TDRD7: variants seen among roughly 807,000 people sequenced by gnomAD.
TDRD7 encodes the protein tudor domain containing 7, also known as tudor domain-containing protein 7.
TDRD7 carries 47 observed loss-of-function variants against 109.8 expected under a neutral mutation model. The observed-to-expected ratio is 0.43, with a 90% confidence interval of 0.34 to 0.55. The LOEUF (loss-of-function observed/expected upper bound fraction) is 0.55, where lower values mean the gene tolerates loss of function less well. Among genes scored for constraint, TDRD7 ranks in the 20% least tolerant of loss-of-function variants. The pLI is 0.03. For missense variants in TDRD7, 1,164 were observed against 1,319.2 expected, an observed-to-expected ratio of 0.88 and a Z score of 1.82; for synonymous variants, 424 against 457.3, an observed-to-expected ratio of 0.93 and a Z score of 0.93.
chr9:97,476,751 G>A (rs987690772), intron 12 of TDRD7, among the ~76,000 whole-genome samples: 2 of 151,768 alleles, frequency 1.3e-5, no homozygotes, highest in Admixed American at 6.6e-5. Context: ...TATTTTGGGG[G>A]AAAAGTATGC....
intron 7 of TDRD7, among the ~76,000 whole-genome samples, chr9:97,461,009 C>T (rs923515155): frequency 2.6e-5 from 4 of 151,866 alleles, no homozygotes; most frequent in Admixed American, 6.6e-5. Context: ...GGCGTGGTGG[C>T]GGGTGCCTGT....
intron 16 of TDRD7, among the ~76,000 whole-genome samples, 171 bp from the exon 17 acceptor site, chr9:97,495,492 A>G (rs1396172223): frequency 1.3e-5 from 2 of 152,270 alleles, no homozygotes; most frequent in Non-Finnish European, 1.5e-5. Flanking sequence ...TAGAAAAACT[A>G]TAAGCTGGAG....
chr9:97,469,136 C>T lies in TDRD7; in HGVS notation c.1630-1422C>T, dbSNP rs140458696. Among the ~76,000 whole-genome samples, 40 of 152,324 alleles carry T rather than the reference C, an allele frequency of 2.6e-4. No individual in the cohort carries two copies. In the East Asian group the frequency reaches 7.5e-3, roughly 29 times the overall value. On this transcript the variant is annotated intron_variant, in intron 8 of 16. Coordinates refer to ENST00000355295, the MANE Select transcript of TDRD7 (RefSeq NM_014290.3). Reference sequence around the variant, plus strand: ...CATGCTATGTCCTATTGTCAGACCACGTTACCTCCATTTTGGGCCTGGGAA... The same window carrying T: ...CATGCTATGTCCTATTGTCAGACCATGTTACCTCCATTTTGGGCCTGGGAA...
rs141964341 is a variant in TDRD7 at position 97,435,496 on chromosome 9, C to T, written c.563+3258C>T. On this transcript the variant is annotated intron_variant, in intron 4 of 16. Coordinates refer to ENST00000355295, the MANE Select transcript of TDRD7 (RefSeq NM_014290.3). ...AAAAAAAAAAAAAAAATTACCTGGA[C>T]ATGGTGGTGTGCACCTGTAGTCTCA... Among the ~76,000 whole-genome samples the T allele has an allele frequency of 8.2e-3, 1,227 of 149,482 alleles. 13 individuals are homozygous for T. The highest frequency in any genetic ancestry group is 0.028 in the African/African-American group (1,129 of 40,600).
In TDRD7 at chr9:97,460,581, C is replaced by A; in HGVS notation, c.1259C>A (p.Ala420Glu). The A allele has an allele frequency of 6.2e-7, 1 of 1,614,170 alleles. No individual in the cohort carries two copies. The highest frequency in any genetic ancestry group is 2.2e-5 in the East Asian group (1 of 44,872). Residue 420 changes from alanine (A) to glutamate (E), a missense_variant, in exon 7 of 17, where the codon GCA (alanine) becomes GAA (glutamate). Ala to Glu is a moderately radical substitution (Grantham distance 107). Around this residue, in one of 5 missense-constraint regions of TDRD7, gnomAD observed 407 missense variants for 394.0 expected, o/e 1.03. Coordinates refer to ENST00000355295, the MANE Select transcript of TDRD7 (RefSeq NM_014290.3). ...AAAATCCAAAAGGATGCAGGGCAAG[C>A]ACATGGTGATAATGATATCAAGGCT... ...TDKIQKDAGQAHGDNDIKAMV... is the reference protein window; with the variant it reads ...TDKIQKDAGQEHGDNDIKAMV...
At chr9:97,488,217 T>G (rs1254015309) in intron 16 of TDRD7, among the ~76,000 whole-genome samples, 2 of 152,138 alleles carry the variant, frequency 1.3e-5, no homozygotes, top group African/African-American at 4.8e-5. Flanking sequence ...TTAGCAGAGG[T>G]TTTTGAGGCC....
Position 97,480,956 on chromosome 9 carries a change from G to A in TDRD7, c.2412+18G>A. On this transcript the variant is annotated intron_variant, in intron 14 of 16. Coordinates refer to ENST00000355295, the MANE Select transcript of TDRD7 (RefSeq NM_014290.3). ...GCATTAAGGTTAGCTATCTTGTTGG[G>A]CCTGATACATTTAGAAAGGGAGCTG... The A allele has an allele frequency of 6.2e-7, 1 of 1,603,652 alleles. No homozygotes were observed. The highest frequency in any genetic ancestry group is 8.5e-7 in the Non-Finnish European group (1 of 1,170,582).
At chr9:97,437,108 C>G (rs1017875405) in intron 4 of TDRD7, among the ~76,000 whole-genome samples, 22 of 152,140 alleles carry the variant, frequency 1.4e-4, no homozygotes, top group African/African-American at 5.1e-4. Flanking sequence ...TTATCTATTG[C>G]TGTGTTACAG....
chr9:97,490,909 CTTTTTTTTTTT>C (rs1174656625), intron 16 of TDRD7, among the ~76,000 whole-genome samples: 2 of 77,658 alleles, frequency 2.6e-5, no homozygotes, highest in African/African-American at 5.3e-5. Context: ...CTTTTCTTTT[CTTTTTTTTTTT>C]TTTTTTTTTT....
At chr9:97,495,582 A>T in intron 16 of TDRD7, 81 bp from the exon 17 acceptor site, 2 of 1,367,258 alleles carry the variant, frequency 1.5e-6, no homozygotes, top group South Asian at 1.2e-5. Flanking sequence ...GGAATTGACT[A>T]AATAATTTTC....
In TDRD7 at chr9:97,475,479, AGT is replaced by A. The variant is rs553409065; in HGVS notation, c.2166+11_2166+12del. 1.4e-5 allele frequency: 22 copies of A among 1,593,836 alleles called. No homozygotes were observed. Among genetic ancestry groups the A allele is most frequent in the Non-Finnish European group, 1.6e-5 (19 of 1,162,336 alleles). Reference sequence around the variant, plus strand: ...ATGGTTACGAGTAGAGGTAAAAATCAGTCACTTGGCTTTTTAATCTTAACTTA... The same window carrying A: ...ATGGTTACGAGTAGAGGTAAAAATCACACTTGGCTTTTTAATCTTAACTTA... On this transcript the variant is annotated intron_variant, in intron 12 of 16. Transcript: ENST00000355295.
intron 4 of TDRD7, among the ~76,000 whole-genome samples, chr9:97,435,245 TA>T (rs1334650035): frequency 1.3e-5 from 2 of 152,060 alleles, no homozygotes; most frequent in Non-Finnish European, 2.9e-5. Context: ...ATTTTACTAT[TA>T]GGGGAAACAG....
intron 16 of TDRD7, 40 bp from the exon 17 acceptor site, chr9:97,495,623 G>A (rs1173222067): frequency 3.9e-5 from 61 of 1,574,100 alleles, no homozygotes; most frequent in Non-Finnish European, 5.2e-5. Flanking sequence ...AAGCTCCTTT[G>A]ACTCCTCACT....
chr9:97,491,249 G>T (rs189559580), intron 16 of TDRD7, among the ~76,000 whole-genome samples: 365 of 152,156 alleles, frequency 2.4e-3, no homozygotes, highest in African/African-American at 8.5e-3. Context: ...CTGTTTTATT[G>T]TTTCTTAGAA....
intron 1 of TDRD7, among the ~76,000 whole-genome samples, chr9:97,416,261 T>C (rs1827808859): frequency 6.6e-6 from 1 of 152,198 alleles, no homozygotes; most frequent in South Asian, 2.1e-4. Context: ...AATTTACAGA[T>C]TGCAACCATG....
At chr9:97,415,973 A>G (rs1564190943) in intron 1 of TDRD7, among the ~76,000 whole-genome samples, 1 of 152,142 alleles carries the variant, frequency 6.6e-6, no homozygotes, top group African/African-American at 2.4e-5. Context: ...AATAATGACG[A>G]TTTTTTTTAA....
At chr9:97,425,070 G>A (rs761118964) in intron 1 of TDRD7, among the ~76,000 whole-genome samples, 18 of 151,896 alleles carry the variant, frequency 1.2e-4, no homozygotes, top group African/African-American at 3.1e-4. Flanking sequence ...TCTATTCTTC[G>A]TACTACCTTT....
intron 6 of TDRD7, among the ~76,000 whole-genome samples, chr9:97,442,520 G>T (rs971880717): frequency 6.6e-6 from 1 of 152,212 alleles, no homozygotes; most frequent in Admixed American, 6.5e-5. Flanking sequence ...TCAGCCAGAA[G>T]TAGAGACAAC....
At chr9:97,460,088 A>G (rs770115792) in intron 6 of TDRD7, 90 bp from the exon 7 acceptor site, 15 of 1,108,556 alleles carry the variant, frequency 1.4e-5, no homozygotes, top group Non-Finnish European at 1.9e-5. Flanking sequence ...TGGAAACAGC[A>G]TGACTCTCAA....
Sources: allele counts gnomAD v4.1 joint callset (sites outside exome capture counted in the v4.1 genomes callset), GRCh38; gene constraint gnomAD v4.1.1; regional missense constraint gnomAD v4.1.1; transcripts MANE v1.5; gene names NCBI Gene and HGNC (gene_info 2026-07-23, HGNC 2026-07-21).